The following PTK7 variants were observed in gnomAD, a reference collection of about 807,000 sequenced individuals.
PTK7 encodes inactive tyrosine-protein kinase 7.
In PTK7, 39 loss-of-function variants were observed where a neutral mutation model predicts 116.6. The ratio of observed to expected loss-of-function variants is 0.33; its 90% confidence interval spans 0.26 to 0.44. The LOEUF (loss-of-function observed/expected upper bound fraction) is 0.44. Ranked by LOEUF, PTK7 falls within the 20% of genes least tolerant of loss-of-function variation. The pLI is 1.00. For missense variants in PTK7, 1,169 were observed against 1,425.6 expected (o/e 0.82, Z 2.90); for synonymous variants, 546 against 563.6 (o/e 0.97, Z 0.44).
intron 1 of PTK7, among the ~76,000 whole-genome samples, chr6:43,102,463 C>T (rs1440084402): frequency 2.0e-5 from 3 of 151,700 alleles, no homozygotes; most frequent in Non-Finnish European, 2.9e-5. Context: ...TTGGCGGGTC[C>T]CTGTAATACC....
chr6:43,106,650 C>CT (rs11312929), intron 1 of PTK7, among the ~76,000 whole-genome samples: 2,872 of 98,620 alleles, frequency 0.029, 174 homozygotes, highest in Admixed American at 0.097. Context: ...TCCTCCCTGC[C>CT]TTTTTTTTTT....
At chr6:43,120,572 C>T (rs1195217688) in intron 1 of PTK7, among the ~76,000 whole-genome samples, 1 of 152,190 alleles carries the variant, frequency 6.6e-6, no homozygotes, top group Non-Finnish European at 1.5e-5. Context: ...CTCTTAATCC[C>T]TCCCAGGCCT....
At chr6:43,092,210 G>A (rs1320036212) in intron 1 of PTK7, among the ~76,000 whole-genome samples, 4 of 152,060 alleles carry the variant, frequency 2.6e-5, no homozygotes, top group Non-Finnish European at 5.9e-5. Context: ...GTCTTGCTCT[G>A]TTGCCCAGGC....
At chr6:43,151,572 G>GC (rs1771092236) in intron 17 of PTK7, among the ~76,000 whole-genome samples, 1 of 126,938 alleles carries the variant, frequency 7.9e-6, no homozygotes, top group Non-Finnish European at 1.6e-5. Flanking sequence ...TCACTCCGTC[G>GC]CCAGGCTGGA....
At chr6:43,113,602 C>G (rs1384088203) in intron 1 of PTK7, among the ~76,000 whole-genome samples, 1 of 152,120 alleles carries the variant, frequency 6.6e-6, no homozygotes, top group African/African-American at 2.4e-5. Context: ...GGGCCTGGCC[C>G]TTTCTGGAAG....
intron 1 of PTK7, among the ~76,000 whole-genome samples, chr6:43,125,215 C>T (rs1425986771): frequency 1.3e-5 from 2 of 152,158 alleles, no homozygotes; most frequent in Non-Finnish European, 2.9e-5. Flanking sequence ...AAAGTCTGTC[C>T]CAGCCAAGCA....
At chr6:43,127,701 G>A (rs150564563) in intron 1 of PTK7, among the ~76,000 whole-genome samples, 4,770 of 152,154 alleles carry the variant, frequency 0.031, 242 homozygotes, top group African/African-American at 0.11. Context: ...AGGCCGAGGC[G>A]GGCGGATCAC....
At chr6:43,082,168 C>G (rs1267850023) in intron 1 of PTK7, among the ~76,000 whole-genome samples, 1 of 152,062 alleles carries the variant, frequency 6.6e-6, no homozygotes, top group Non-Finnish European at 1.5e-5. Context: ...GAATCGCAAT[C>G]TGCAATTTAT....
chr6:43,094,098 A>G (rs1413841461), intron 1 of PTK7, among the ~76,000 whole-genome samples: 3 of 152,266 alleles, frequency 2.0e-5, no homozygotes, highest in Non-Finnish European at 4.4e-5. Flanking sequence ...GTTGCAAACG[A>G]AGACAGGATT....
chr6:43,129,784 C>T lies in PTK7; in HGVS notation c.425C>T (p.Pro142Leu). 1 of 1,614,234 alleles carries T rather than the reference C, an allele frequency of 6.2e-7. No individual in the cohort carries two copies. Among genetic ancestry groups the T allele is most frequent in the African/African-American group, 1.3e-5 (1 of 75,064 alleles). ...KHPASEAEIQ[P>L]QTQVTLRCHI... ...CCAGCCTCGGAAGCTGAGATCCAGC[C>T]ACAGACCCAGGTCACACTTCGTTGC... Residue 142 changes from proline to leucine, a missense_variant, in exon 3 of 20, where the codon CCA becomes CTA. Physicochemically the swap from Pro to Leu is moderately conservative, Grantham distance 98. This residue lies in a region of PTK7 where 487 missense variants were observed against 549.8 expected (regional missense o/e 0.89). Transcript: ENST00000230419. The surrounding 1 kb of genome is among the most constrained non-coding windows in gnomAD (Gnocchi z 4.5).
chr6:43,137,875 C>T (rs192621178), intron 7 of PTK7, among the ~76,000 whole-genome samples: 3 of 152,178 alleles, frequency 2.0e-5, no homozygotes, highest in East Asian at 3.9e-4. Context: ...GGCGTGATCT[C>T]GGCTCACTGC....
rs770753685 is a variant in PTK7, at chr6:43,141,725, G to A, written c.1676G>A (p.Arg559Gln). The change falls in exon 11 of 20, where the codon CGG becomes CAG. Residue 559 changes from arginine to glutamine, a missense_variant. Physicochemically the swap from Arg to Gln is conservative, Grantham distance 43. This residue lies in a region of PTK7 where 678 missense variants were observed against 853.8 expected (regional missense o/e 0.79). Transcript: ENST00000230419. This position sits in a 1 kb window ranked among gnomAD's most constrained non-coding sequence, Gnocchi z 4.9. Reference sequence around the variant, plus strand: ...AACGCTGGGACCCTGCATTTTGCCCGGGTGACTCGAGATGACGCTGGCAAC... The same window carrying A: ...AACGCTGGGACCCTGCATTTTGCCCAGGTGACTCGAGATGACGCTGGCAAC... ...TDNAGTLHFA[R>Q]VTRDDAGNYT... 8.7e-6 allele frequency: 14 copies of A among 1,613,926 alleles called. No homozygotes were observed. Among genetic ancestry groups the A allele is most frequent in the South Asian group, 1.1e-5 (1 of 91,086 alleles).
chr6:43,138,786 A>G (rs1770199524), intron 7 of PTK7, 63 bp from the exon 8 acceptor site: 1 of 1,531,138 alleles, frequency 6.5e-7, no homozygotes, highest in South Asian at 1.3e-5. Flanking sequence ...TTTCTTGGAG[A>G]TGGATCCTTT....
chr6:43,123,490 A>G (rs1015855938), intron 1 of PTK7, among the ~76,000 whole-genome samples: 4 of 151,920 alleles, frequency 2.6e-5, no homozygotes, highest in African/African-American at 9.7e-5. Context: ...TCTCTGTAAC[A>G]ATTGTGTTTA....
Position 43,141,826 on chromosome 6 carries a change from G to A in PTK7, c.1768+9G>A, listed in dbSNP as rs199816335. 1.0e-3 allele frequency: 1,609 copies of A among 1,612,290 alleles called. 1 individual carries two copies. The highest frequency in any genetic ancestry group is 1.3e-3 in the Non-Finnish European group (1,520 of 1,179,086). Reference sequence around the variant, plus strand: ...CCAGCTCACTGTGGCAGGTGCGACCGTGGCAGGGCCCTGGGGCTGGGAGGG... The same window carrying A: ...CCAGCTCACTGTGGCAGGTGCGACCATGGCAGGGCCCTGGGGCTGGGAGGG... On this transcript the variant is annotated intron_variant, in intron 11 of 19. Transcript: ENST00000230419. The surrounding 1 kb of genome is among the most constrained non-coding windows in gnomAD (Gnocchi z 4.9).
chr6:43,098,196 TA>T (rs1767362654), intron 1 of PTK7, among the ~76,000 whole-genome samples: 1 of 152,104 alleles, frequency 6.6e-6, no homozygotes, highest in Non-Finnish European at 1.5e-5. Flanking sequence ...TGGGGGCCCT[TA>T]AGGCACTGCT....
intron 5 of PTK7, among the ~76,000 whole-genome samples, chr6:43,131,029 TCACACACACACACACACACA>T (rs3222659): frequency 1.4e-4 from 19 of 133,838 alleles, no homozygotes; most frequent in East Asian, 9.2e-4. Flanking sequence ...GGCAAAGACA[TCACACACACACACACACACA>T]CACACACACA....
intron 17 of PTK7, among the ~76,000 whole-genome samples, chr6:43,157,343 TATATATATATATA>T (rs1771508942): frequency 1.2e-4 from 5 of 41,560 alleles, no homozygotes; most frequent in East Asian, 1.1e-3. Flanking sequence ...TATATATATA[TATATATATATATA>T]TATATATATT....
chr6:43,158,205 A>C (rs1038954755), intron 17 of PTK7, among the ~76,000 whole-genome samples: 24 of 151,970 alleles, frequency 1.6e-4, no homozygotes, highest in Non-Finnish European at 3.1e-4. Context: ...AGGCTGAGTC[A>C]GGAGAATGGC....
Sources: allele counts gnomAD v4.1 joint callset (sites outside exome capture counted in the v4.1 genomes callset), GRCh38; gene constraint gnomAD v4.1.1; regional missense constraint gnomAD v4.1.1; non-coding constraint Gnocchi (gnomAD v3.1); transcripts MANE v1.5; gene names NCBI Gene and HGNC (gene_info 2026-07-23, HGNC 2026-07-21).